Variants in OR52N4 observed in about 807,000 individuals in gnomAD.
OR52N4 encodes the protein olfactory receptor 52N4.
OR52N4 carries 15 observed loss-of-function variants against 15.0 expected under a neutral mutation model. That is an observed-to-expected ratio of 1.00 (90% CI 0.67 to 1.54). The LOEUF (loss-of-function observed/expected upper bound fraction) is 1.54. Ranked by LOEUF, OR52N4 falls within the 40% of genes most tolerant of loss-of-function variation. The pLI is 0.00. For missense variants in OR52N4, 421 were observed against 394.0 expected (o/e 1.07, Z -0.58); for synonymous variants, 143 against 143.7 (o/e 1.00, Z 0.03).
the OR52N4 span, among the ~76,000 whole-genome samples, chr11:5,747,484 T>C: frequency 1.3e-5 from 2 of 151,946 alleles, no homozygotes; most frequent in African/African-American, 4.8e-5. Flanking sequence ...TATATGTTAA[T>C]TAGTTTGATT....
the OR52N4 span, among the ~76,000 whole-genome samples, chr11:5,732,434 A>G: frequency 3.9e-5 from 6 of 152,168 alleles, no homozygotes; most frequent in African/African-American, 1.4e-4. Flanking sequence ...GTTCTTTTCA[A>G]AAAGTCATTT....
chr11:5,745,393 T>A, the OR52N4 span, among the ~76,000 whole-genome samples: 1 of 152,122 alleles, frequency 6.6e-6, no homozygotes, highest in South Asian at 2.1e-4. Flanking sequence ...AGCATTGTTA[T>A]ACACTAATAA....
At chr11:5,730,888 G>A in the OR52N4 span, among the ~76,000 whole-genome samples, 1 of 151,426 alleles carries the variant, frequency 6.6e-6, no homozygotes, top group African/African-American at 2.4e-5. Context: ...AATTATGACC[G>A]ATGGTGTGCT....
the OR52N4 span, among the ~76,000 whole-genome samples, chr11:5,744,458 C>G: frequency 0.03 from 4,522 of 152,158 alleles, 205 homozygotes; most frequent in African/African-American, 0.1. Flanking sequence ...AAATCTTCAG[C>G]GAAATACTAC....
At chr11:5,736,914 T>A in the OR52N4 span, 1 of 1,614,050 alleles carries the variant, frequency 6.2e-7, no homozygotes, top group East Asian at 2.2e-5. Flanking sequence ...GATAGATATG[T>A]GGCTATTTGT....
the OR52N4 span, chr11:5,726,505 G>T: frequency 6.7e-6 from 1 of 148,434 alleles, no homozygotes; most frequent in Non-Finnish European, 1.5e-5. Flanking sequence ...CCACAACATG[G>T]AATCTCCTCA....
At chr11:5,750,290 C>G (rs1304776060), upstream of OR52N4, among the ~76,000 whole-genome samples, 1 of 151,720 alleles carries the variant, frequency 6.6e-6, no homozygotes, top group Non-Finnish European at 1.5e-5. Context: ...AGGTTCAATA[C>G]AGATCTACAA....
upstream of OR52N4, among the ~76,000 whole-genome samples, chr11:5,752,405 C>T (rs149732162): frequency 3.9e-3 from 598 of 152,264 alleles, 2 homozygotes; most frequent in Non-Finnish European, 5.4e-3. Context: ...CTATCAGATG[C>T]TAATCTTAAA....
At chr11:5,737,637 C>T in the OR52N4 span, 10 of 679,576 alleles carry the variant, frequency 1.5e-5, no homozygotes, top group Non-Finnish European at 2.3e-5. Context: ...AGAAAAGATA[C>T]AAAAAATCAC....
chr11:5,734,953 G>A, the OR52N4 span, among the ~76,000 whole-genome samples: 2 of 152,006 alleles, frequency 1.3e-5, no homozygotes, highest in Non-Finnish European at 2.9e-5. Flanking sequence ...TCATTTGGGA[G>A]TATATGTTTA....
chr11:5,753,051 G>A (rs551497384), upstream of OR52N4, among the ~76,000 whole-genome samples: 1 of 152,196 alleles, frequency 6.6e-6, no homozygotes, highest in African/African-American at 2.4e-5. Context: ...TGATGTTGAT[G>A]AACATTTAGG....
rs1854289026 is a variant in OR52N4, at chr11:5,755,383, TG to T, written c.644del (p.Cys215LeufsTer8). On this transcript the variant is annotated frameshift_variant, in exon 2 of 2. Transcript: ENST00000641350. LOFTEE classifies it high-confidence loss of function. ...CCTGATTTGGGGCTTTGACATACTG[TG>T]TATCACCAACTCCTATACCATGATT... ...ALLIWGFDIL[C>X]ITNSYTMILR... is the part of the protein sequence containing the mutation. The T allele has an allele frequency of 1.2e-6, 2 of 1,614,084 alleles. No homozygotes were observed. The highest frequency in any genetic ancestry group is 1.1e-5 in the South Asian group (1 of 91,086).
the OR52N4 span, among the ~76,000 whole-genome samples, chr11:5,741,434 T>C: frequency 2.0e-5 from 3 of 152,184 alleles, no homozygotes; most frequent in Admixed American, 6.5e-5. Flanking sequence ...ATGAGTCAAG[T>C]GGTAATGCCT....
At chr11:5,744,750 TA>T in the OR52N4 span, among the ~76,000 whole-genome samples, 1 of 151,996 alleles carries the variant, frequency 6.6e-6, no homozygotes, top group East Asian at 1.9e-4. Context: ...CTGTCTCTAC[TA>T]AAAATACAAA....
chr11:5,730,831 T>C, the OR52N4 span, among the ~76,000 whole-genome samples: 2 of 151,254 alleles, frequency 1.3e-5, no homozygotes, highest in East Asian at 3.9e-4. Flanking sequence ...GAAAACACTG[T>C]GCTCTTCATT....
At chr11:5,737,626 C>A in the OR52N4 span, 3 of 782,844 alleles carry the variant, frequency 3.8e-6, no homozygotes, top group Non-Finnish European at 5.7e-6. Flanking sequence ...GTGAAAGCTT[C>A]AGAAAAGATA....
chr11:5,732,403 T>TA, the OR52N4 span, among the ~76,000 whole-genome samples: 1 of 152,202 alleles, frequency 6.6e-6, no homozygotes, highest in Non-Finnish European at 1.5e-5. Flanking sequence ...GACTTTTTCT[T>TA]ATGCACTCCA....
At chr11:5,744,699 G>C in the OR52N4 span, among the ~76,000 whole-genome samples, 1 of 54,624 alleles carries the variant, frequency 1.8e-5, no homozygotes, top group South Asian at 6.6e-4. Flanking sequence ...AATTACCTGA[G>C]GTCAGGAGTT....
chr11:5,729,866 C>G, the OR52N4 span, among the ~76,000 whole-genome samples: 5 of 152,166 alleles, frequency 3.3e-5, no homozygotes, highest in Non-Finnish European at 7.4e-5. Context: ...ATTATTTCCT[C>G]CTTTCTTGCT....
Sources: gnomAD v4.1 joint callset for allele counts (sites outside exome capture counted in the v4.1 genomes callset) on GRCh38, gnomAD v4.1.1 for gene constraint, MANE v1.5 for transcripts, NCBI Gene and HGNC (gene_info 2026-07-23, HGNC 2026-07-21) for gene names.